The following FASN variants were observed in gnomAD, a reference collection of about 807,000 sequenced individuals.
FASN encodes the protein 3-hydroxyacyl-[acyl-carrier-protein] dehydratase.
FASN carries 50 observed loss-of-function variants against 250.0 expected under a neutral mutation model. The ratio of observed to expected loss-of-function variants is 0.20; its 90% CI spans 0.16 to 0.25. The LOEUF is 0.25. Among genes scored for constraint, FASN ranks in the 10% least tolerant of loss-of-function variants. The pLI, the probability that FASN is intolerant of heterozygous loss-of-function variation, is 1.00. For missense variants in FASN, 3,031 were observed against 3,498.5 expected (o/e 0.87, Z 3.37); for synonymous variants, 1,909 against 1,584.0 (o/e 1.21, Z -4.87).
In FASN at chr17:82,078,519, G is replaced by C. The variant is rs1482971540; in HGVS notation, c.*624C>G. On this transcript the variant is annotated 3_prime_UTR_variant, in exon 43 of 43. Transcript: ENST00000306749. The surrounding 1 kb of genome is among the most constrained non-coding windows in gnomAD (Gnocchi z 5.4). ...GACAAACACCAAACATGGAGTTGGTGCCCGGCGCCGGGCATAAGGGCAGCA... is the reference window on the plus strand; with the variant it reads ...GACAAACACCAAACATGGAGTTGGTCCCCGGCGCCGGGCATAAGGGCAGCA... 6.5e-6 allele frequency: 1 copy of C among 154,342 alleles called. No individual in the cohort carries two copies. The highest frequency in any genetic ancestry group is 1.4e-5 in the Non-Finnish European group (1 of 69,662). The allele number at this position is 154,342 out of a possible 1,614,324, so 9.6% of individuals were successfully genotyped here.
intron 2 of FASN, among the ~76,000 whole-genome samples, chr17:82,095,959 G>A (rs1234256672): frequency 6.6e-6 from 1 of 152,244 alleles, no homozygotes; most frequent in Non-Finnish European, 1.5e-5. Flanking sequence ...CCCTGCATGG[G>A]TGAGAGACCC....
chr17:82,084,457 G>A (rs2034050992), intron 27 of FASN, 56 bp downstream of exon 27: 1 of 1,585,874 alleles, frequency 6.3e-7, no homozygotes, highest in African/African-American at 1.3e-5. Flanking sequence ...GGTCCTAGCT[G>A]CTGGGGTCTC....
intron 21 of FASN, 62 bp from the exon 22 acceptor site, chr17:82,086,620 G>A (rs969961715): frequency 9.4e-6 from 12 of 1,282,508 alleles, no homozygotes; most frequent in Middle Eastern, 2.6e-4. Flanking sequence ...CCTGGCATGG[G>A]CTCTCAGACC....
intron 3 of FASN, 23 bp from the exon 4 acceptor site, chr17:82,093,794 T>C (rs761705973): frequency 8.7e-6 from 14 of 1,610,862 alleles, no homozygotes; most frequent in Non-Finnish European, 1.2e-5. Context: ...GTGGTCAAGG[T>C]GCCACGGCCG....
Position 82,085,021 on chromosome 17 carries a change from G to A in FASN, c.4409+14C>T, listed in dbSNP as rs1218896312. On this transcript the variant is annotated intron_variant, in intron 25 of 42. Coordinates refer to ENST00000306749, the MANE Select transcript of FASN (RefSeq NM_004104.5). ...TGGTGGGGAAGGGGAAGTGGTGAGG[G>A]GCCGTGCTCCTACCGGAGGCGGTTC... 5 of 1,602,306 alleles carry A rather than the reference G, an allele frequency of 3.1e-6. No homozygotes were observed. The highest frequency in any genetic ancestry group is 2.2e-5 in the South Asian group (2 of 89,862).
rs1215534295 is a variant in FASN, at chr17:82,081,643, C to T, written c.6364G>A (p.Asp2122Asn). ...AEKAAAYRDR[D>N]SQRDLVEAVA... ...GCCTCCACCAGGTCCCGCTGGCTGTCCCTGTCCCTATAGGCCGCAGCCTTC... is the reference window on the plus strand; with the variant it reads ...GCCTCCACCAGGTCCCGCTGGCTGTTCCTGTCCCTATAGGCCGCAGCCTTC... Residue 2122 changes from aspartate (D) to asparagine (N), a missense_variant, in exon 37 of 43, where the codon GAC becomes AAC. Coordinates refer to ENST00000306749, the MANE Select transcript of FASN (RefSeq NM_004104.5). The T allele has an allele frequency of 4.3e-6, 7 of 1,612,752 alleles. No homozygotes were observed. The highest frequency in any genetic ancestry group is 5.9e-6 in the Non-Finnish European group (7 of 1,179,998).
At chr17:82,081,559 G>A in intron 37 of FASN, 42 bp downstream of exon 37, 1 of 1,608,718 alleles carries the variant, frequency 6.2e-7, no homozygotes. Context: ...CCTGATGCCA[G>A]CAGGGGAAAC....
chr17:82,079,236 G>A lies in FASN; in HGVS notation c.7443C>T (p.His2481=), dbSNP rs2033944686. 1.2e-6 allele frequency: 2 copies of A among 1,612,930 alleles called. No homozygotes were observed. Among genetic ancestry groups the A allele is most frequent in the African/African-American group, 2.7e-5 (2 of 74,940 alleles). ...KVSVHVIEGD[H]RTLLEGSGLE... is the part of the protein sequence containing the mutation. ...GGCCGCTGCCCTCCAGCAGCGTGCGGTGGTCACCCTCGATGACGTGGACGG... is the reference window on the plus strand; with the variant it reads ...GGCCGCTGCCCTCCAGCAGCGTGCGATGGTCACCCTCGATGACGTGGACGG... Residue 2481 remains histidine (H), a synonymous_variant, in exon 43 of 43, where the codon CAC becomes CAT. Coordinates refer to ENST00000306749, the MANE Select transcript of FASN (RefSeq NM_004104.5).
rs139012145 is a variant in FASN, at chr17:82,088,420, C to T, written c.2563G>A (p.Gly855Ser). Reference protein sequence around the residue: ...PAAEDFPNGSGSPSAAIYNID... With the variant: ...PAAEDFPNGSSSPSAAIYNID... ...TTGTAGATGGCGGCTGAGGGGGAACCTGAACCGTTGGGGAAGTCCTCGGCG... is the reference window on the plus strand; with the variant it reads ...TTGTAGATGGCGGCTGAGGGGGAACTTGAACCGTTGGGGAAGTCCTCGGCG... Residue 855 changes from glycine (G) to serine (S), a missense_variant, in exon 16 of 43, where the codon GGT becomes AGT. Coordinates refer to ENST00000306749, the MANE Select transcript of FASN (RefSeq NM_004104.5). The T allele has an allele frequency of 1.2e-6, 2 of 1,612,114 alleles. No individual in the cohort carries two copies. Among genetic ancestry groups the T allele is most frequent in the African/African-American group, 2.7e-5 (2 of 74,904 alleles).
Position 82,088,820 on chromosome 17 carries a change from C to T in FASN, c.2361G>A (p.Lys787=), listed in dbSNP as rs763379489. 1.2e-6 allele frequency: 2 copies of T among 1,612,456 alleles called. No individual in the cohort carries two copies. Among genetic ancestry groups the T allele is most frequent in the African/African-American group, 2.7e-5 (2 of 74,920 alleles). ...AGAACTCCAGGTTGTCCCTGTGATC[C>T]TTCTTCATCAGGGGGATGATGGTGC... ...PSCTIIPLMK[K]DHRDNLEFFL... The change falls in exon 15 of 43, where the codon AAG becomes AAA. Residue 787 remains lysine, a synonymous_variant. Transcript: ENST00000306749.
rs147288718 is a variant in FASN at position 82,083,872 on chromosome 17, C to T, written c.5118G>A (p.Ala1706=). The T allele has an allele frequency of 4.4e-5, 69 of 1,576,072 alleles. No individual in the cohort carries two copies. The highest frequency in any genetic ancestry group is 1.7e-4 in the Middle Eastern group (1 of 6,012). ...FTTVGSAEKR[A]YLQARFPQLD... ...GCTGGGGGAACCTGGCCTGGAGGTA[C>T]GCCCGCTTCTCAGCCGACCCTGGTG... The change falls in exon 30 of 43, where the codon GCG becomes GCA. Residue 1706 remains alanine, a synonymous_variant. Coordinates refer to ENST00000306749, the MANE Select transcript of FASN (RefSeq NM_004104.5).
intron 12 of FASN, 87 bp downstream of exon 12, chr17:82,089,545 G>A: frequency 6.5e-7 from 1 of 1,542,410 alleles, no homozygotes; most frequent in Non-Finnish European, 8.8e-7. Context: ...GAGCTTGGTG[G>A]GGCGTAGACC....
At position 82,091,562 on chromosome 17, in the gene FASN, A is replaced by G. The variant is rs368069214; in HGVS notation, c.1152T>C (p.Arg384=). 40 of 1,591,474 alleles carry G rather than the reference A, an allele frequency of 2.5e-5. No individual in the cohort carries two copies. In the African/African-American group the frequency reaches 5.0e-4, roughly 20 times the overall value. ...LQVVDQPLPV[R]GGNVGINSFG... ...AGGAGTTGATGCCCACGTTGCCGCC[A>G]CGGACGGGCAGGGGCTGGTCCACCA... Residue 384 remains arginine (R), a synonymous_variant, in exon 9 of 43, where the codon CGT becomes CGC. Transcript: ENST00000306749.
chr17:82,093,454 G>GTGAGCACACGAGACCCC, intron 4 of FASN, 35 bp from the exon 5 acceptor site: 1 of 1,585,110 alleles, frequency 6.3e-7, no homozygotes, highest in Non-Finnish European at 8.6e-7. Context: ...AGGTGGGGCT[G>GTGAGCACACGAGACCCC]TGAGCACACG....
At chr17:82,086,674 T>A (rs965361263) in intron 21 of FASN, 116 bp from the exon 22 acceptor site, 18 of 809,192 alleles carry the variant, frequency 2.2e-5, no homozygotes, top group Admixed American at 2.0e-4. Context: ...GCCCACAGGA[T>A]GAGAAATAGC....
chr17:82,081,062 G>C (rs536171033), intron 38 of FASN, 102 bp downstream of exon 38: 4 of 1,446,882 alleles, frequency 2.8e-6, no homozygotes, highest in South Asian at 1.2e-5. Context: ...AATGGCACCC[G>C]TGACGAAGGG....
At position 82,092,683 on chromosome 17, in the gene FASN, G is replaced by C. The variant is rs751345118; in HGVS notation, c.894+14C>G. The C allele has an allele frequency of 1.0e-4, 146 of 1,408,898 alleles. No homozygotes were observed. The highest frequency in any genetic ancestry group is 1.3e-4 in the Non-Finnish European group (129 of 1,012,424). 87.3% of individuals were successfully genotyped at this position (1,408,898 alleles called of 1,614,324 possible). ...TCATGGGGTGGTGAGTGGGGCGGGG[G>C]GGGGGGGCATCACCTTGGTGCCTGT... On this transcript the variant is annotated intron_variant, in intron 7 of 42. Transcript: ENST00000306749.
chr17:82,090,287 G>C, intron 11 of FASN, 88 bp downstream of exon 11: 2 of 1,358,874 alleles, frequency 1.5e-6, no homozygotes, highest in East Asian at 2.5e-5. Context: ...ATCCTACGGG[G>C]GCCAGGCCAG....
Position 82,087,316 on chromosome 17 carries a change from C to T in FASN, c.3223+9G>A, listed in dbSNP as rs768822140. ...TGGGGGCACTGGGCTGGGGCTGGGG[C>T]GGGGCTACCTTGGGCCTTGTCCTGC... On this transcript the variant is annotated intron_variant, in intron 20 of 42. Coordinates refer to ENST00000306749, the MANE Select transcript of FASN (RefSeq NM_004104.5). 13 of 1,609,068 alleles carry T rather than the reference C, an allele frequency of 8.1e-6. No homozygotes were observed. The Admixed American group carries it at 1.2e-4, about 14-fold the overall frequency.
Sources: allele counts gnomAD v4.1 joint callset (sites outside exome capture counted in the v4.1 genomes callset), GRCh38; gene constraint gnomAD v4.1.1; non-coding constraint Gnocchi (gnomAD v3.1); transcripts MANE v1.5; gene names NCBI Gene and HGNC (gene_info 2026-07-23, HGNC 2026-07-21).